The following HSD17B7 variants were observed in gnomAD, a reference collection of about 807,000 sequenced individuals.
HSD17B7 encodes the protein 3-keto-steroid reductase/17-beta-hydroxysteroid dehydrogenase 7.
HSD17B7 carries 17 observed loss-of-function variants against 34.1 expected under a neutral mutation model. The ratio of observed to expected loss-of-function variants is 0.50; its 90% CI spans 0.34 to 0.75. The LOEUF (loss-of-function observed/expected upper bound fraction) is 0.75. HSD17B7 is among the 30% of genes least tolerant of loss of function. The probability of loss-of-function intolerance (pLI) is 0.01; values close to 1 mark genes in which losing one functional copy is unlikely to be tolerated. For synonymous variants in HSD17B7, 122 were observed against 154.6 expected (o/e 0.79, Z 1.56); for missense variants, 296 against 406.6 (o/e 0.73, Z 2.34).
intron 8 of HSD17B7, among the ~76,000 whole-genome samples, chr1:162,806,290 G>A (rs894947567): frequency 6.6e-6 from 1 of 152,158 alleles, no homozygotes; most frequent in Non-Finnish European, 1.5e-5. Flanking sequence ...TGTTATCGCA[G>A]GTAAGTCAAG....
chr1:162,807,092 T>G (rs548718165), intron 8 of HSD17B7, among the ~76,000 whole-genome samples: 81 of 152,338 alleles, frequency 5.3e-4, no homozygotes, highest in African/African-American at 1.8e-3. Flanking sequence ...TCATTTACAT[T>G]AGGTATATCT....
chr1:162,811,354 C>T (rs1464977424), intron 8 of HSD17B7, among the ~76,000 whole-genome samples: 12 of 152,126 alleles, frequency 7.9e-5, no homozygotes, highest in Admixed American at 2.6e-4. Context: ...GTGGGTAACC[C>T]GACCTTTCTC....
At chr1:162,798,587 A>T (rs577102080) in intron 4 of HSD17B7, 1 of 154,096 alleles carries the variant, frequency 6.5e-6, no homozygotes, top group South Asian at 2.0e-4. Context: ...GTATGCTATC[A>T]GTATGACTTC....
intron 5 of HSD17B7, among the ~76,000 whole-genome samples, chr1:162,800,477 C>G (rs187658512): frequency 1.3e-3 from 200 of 152,298 alleles, no homozygotes; most frequent in African/African-American, 4.7e-3. Flanking sequence ...AGTTATGAAA[C>G]CTTCTGGATA....
At position 162,796,696 on chromosome 1, in the gene HSD17B7, A is replaced by G. The variant is rs201852354; in HGVS notation, c.332+19A>G. 2.9e-6 allele frequency: 4 copies of G among 1,383,970 alleles called. No individual in the cohort carries two copies. Among genetic ancestry groups the G allele is most frequent in the Non-Finnish European group, 4.1e-6 (4 of 968,990 alleles). 85.7% of individuals were successfully genotyped at this position (1,383,970 alleles called of 1,614,324 possible). A position where few individuals can be genotyped will look rare whatever the true frequency, so the allele number is the denominator to read the frequency against. On this transcript the variant is annotated intron_variant, in intron 3 of 8. Coordinates refer to ENST00000254521, the MANE Select transcript of HSD17B7 (RefSeq NM_016371.4). ...TTTCAAGGTAATTTTCGTTTTATGG[A>G]TGAACTGATTGGAAGGAATGTGTTC...
At position 162,792,865 on chromosome 1, in the gene HSD17B7, A is replaced by G. The variant is rs186623255; in HGVS notation, c.239+3A>G. ...GCCTCCAAGGAACTTAAGCAAAGGT[A>G]TATCTCTTGCTGATGGATTTTTTTT... On this transcript the variant is annotated splice_donor_region_variant and intron_variant, in intron 2 of 8. Transcript: ENST00000254521. The G allele has an allele frequency of 5.6e-4, 907 of 1,613,602 alleles. 1 individual carries two copies. In the Middle Eastern group the frequency reaches 5.9e-3, roughly 11 times the overall value.
intron 8 of HSD17B7, among the ~76,000 whole-genome samples, chr1:162,807,375 G>A (rs1649021342): frequency 6.6e-6 from 1 of 152,142 alleles, no homozygotes; most frequent in Non-Finnish European, 1.5e-5. Flanking sequence ...GTCTATCATT[G>A]TTGGACATTT....
At chr1:162,803,182 A>C (rs984296574) in intron 5 of HSD17B7, 10 of 267,440 alleles carry the variant, frequency 3.7e-5, no homozygotes, top group African/African-American at 2.2e-4. Context: ...TTTATACTGC[A>C]AGGTTCATGA....
At chr1:162,803,745 G>T (rs1206834340) in intron 6 of HSD17B7, among the ~76,000 whole-genome samples, 4 of 152,330 alleles carry the variant, frequency 2.6e-5, no homozygotes, top group African/African-American at 7.2e-5. Flanking sequence ...TCTCTTTAAA[G>T]GAGTGTTTCA....
In HSD17B7 at chr1:162,790,888, A is replaced by G; in HGVS notation, c.35+53A>G. The G allele has an allele frequency of 7.8e-6, 12 of 1,533,536 alleles. 2 individuals carry two copies. The South Asian group carries it at 1.0e-4, about 13-fold the overall frequency. The allele number at this position is 1,533,536 out of a possible 1,614,324, so 95.0% of individuals were successfully genotyped here. Reference sequence around the variant, plus strand: ...CGGCAGCGGATCAGGGGTCCGAGAGAGCAGGGGTCTGCGACCCTCCACGAA... The same window carrying G: ...CGGCAGCGGATCAGGGGTCCGAGAGGGCAGGGGTCTGCGACCCTCCACGAA... On this transcript the variant is annotated intron_variant, in intron 1 of 8. Coordinates refer to ENST00000254521, the MANE Select transcript of HSD17B7 (RefSeq NM_016371.4).
intron 8 of HSD17B7, 132 bp from the exon 9 acceptor site, chr1:162,812,166 G>A (rs541150320): frequency 4.0e-5 from 46 of 1,157,010 alleles, no homozygotes; most frequent in East Asian, 8.1e-5. Context: ...CTTCTTCCAC[G>A]TGTCTGCCAC....
At chr1:162,807,575 T>G (rs1206976517) in intron 8 of HSD17B7, among the ~76,000 whole-genome samples, 1 of 152,156 alleles carries the variant, frequency 6.6e-6, no homozygotes, top group Admixed American at 6.5e-5. Flanking sequence ...GTTGAACTAG[T>G]TTACAGTCCC....
rs767771423 is a variant in HSD17B7, at chr1:162,799,850, G to A, written c.555G>A (p.Gln185=). The A allele has an allele frequency of 3.1e-6, 5 of 1,613,996 alleles. No homozygotes were observed. In the South Asian group the frequency reaches 5.5e-5, roughly 18 times the overall value. The change falls in exon 5 of 9, where the codon CAG becomes CAA. Residue 185 remains glutamine (Q), a synonymous_variant. Coordinates refer to ENST00000254521, the MANE Select transcript of HSD17B7 (RefSeq NM_016371.4). ...CTAATTTCAGCCTCGAGGACTTCCA[G>A]CACAGCAAAGGCAAGGAACCCTACA... The part of the protein sequence containing the change: ...RKSNFSLEDF[Q]HSKGKEPYSS...
At chr1:162,803,721 T>C (rs1356801895) in intron 6 of HSD17B7, among the ~76,000 whole-genome samples, 186 bp downstream of exon 6, 1 of 152,254 alleles carries the variant, frequency 6.6e-6, no homozygotes. Flanking sequence ...CACACCACCA[T>C]TTGAGTGTCT....
intron 8 of HSD17B7, among the ~76,000 whole-genome samples, chr1:162,809,155 T>G (rs1487124671): frequency 6.6e-6 from 1 of 152,228 alleles, no homozygotes; most frequent in Non-Finnish European, 1.5e-5. Context: ...CAATACCTAA[T>G]TTATTGAGAG....
At chr1:162,793,033 T>TTG (rs1553255525) in intron 2 of HSD17B7, 171 bp downstream of exon 2, 1 of 476,818 alleles carries the variant, frequency 2.1e-6, no homozygotes, top group South Asian at 2.3e-5. Flanking sequence ...TTTTCTTTCT[T>TTG]TTTTTTTTTT....
intron 8 of HSD17B7, among the ~76,000 whole-genome samples, chr1:162,807,914 G>A (rs1649038305): frequency 6.6e-6 from 1 of 152,108 alleles, no homozygotes; most frequent in Non-Finnish European, 1.5e-5. Flanking sequence ...CTCCCATTCT[G>A]TAGGTTGCCT....
intron 8 of HSD17B7, among the ~76,000 whole-genome samples, chr1:162,807,724 G>A (rs1649032884): frequency 6.6e-6 from 1 of 152,178 alleles, no homozygotes; most frequent in Non-Finnish European, 1.5e-5. Context: ...CTGATGGCCA[G>A]TGATGATGAG....
intron 5 of HSD17B7, among the ~76,000 whole-genome samples, chr1:162,801,678 T>C (rs1648821585): frequency 6.6e-6 from 1 of 152,200 alleles, no homozygotes; most frequent in East Asian, 1.9e-4. Flanking sequence ...TGTCAGTGCA[T>C]GTGGGCTGCA....
Sources: gnomAD v4.1 joint callset for allele counts (sites outside exome capture counted in the v4.1 genomes callset) on GRCh38, gnomAD v4.1.1 for gene constraint, MANE v1.5 for transcripts, NCBI Gene and HGNC (gene_info 2026-07-23, HGNC 2026-07-21) for gene names.